The following DNM3 variants were observed in gnomAD, a reference collection of about 807,000 sequenced individuals.
DNM3 encodes dynamin-3.
In DNM3, 47 loss-of-function variants were observed where a neutral mutation model predicts 101.6. The ratio of observed to expected loss-of-function variants is 0.46; its 90% CI spans 0.37 to 0.59. DNM3 has a LOEUF of 0.59. DNM3 is among the 20% of genes least tolerant of loss of function. The pLI, the probability that DNM3 is intolerant of heterozygous loss-of-function variation, is 0.00. For synonymous variants in DNM3, 385 were observed against 387.9 expected (o/e 0.99, Z 0.09); for missense variants, 849 against 1,085.7 (o/e 0.78, Z 3.06).
At chr1:172,261,374 T>C (rs73030912) in intron 15 of DNM3, among the ~76,000 whole-genome samples, 9,178 of 152,232 alleles carry the variant, frequency 0.06, 874 homozygotes, top group African/African-American at 0.2. Flanking sequence ...GTATGACTTC[T>C]TCATTTGTAG....
chr1:171,939,529 T>C (rs956960385), intron 2 of DNM3, among the ~76,000 whole-genome samples: 2 of 152,200 alleles, frequency 1.3e-5, no homozygotes, highest in South Asian at 2.1e-4. Flanking sequence ...TACTCCAGAA[T>C]TAATGTCTGC....
chr1:172,410,891 G>C lies in DNM3; in HGVS notation c.*3050G>C. 1 of 985,210 alleles carries C rather than the reference G, an allele frequency of 1.0e-6. No individual in the cohort carries two copies. The highest frequency in any genetic ancestry group is 1.7e-5 in the African/African-American group (1 of 57,306). The allele number at this position is 985,210 out of a possible 1,614,324, so 61.0% of individuals were successfully genotyped here. ...AAATATGAAATGGGACCTAATACCA[G>C]TATGTGATAAATGTTGATGTTTTCT... On this transcript the variant is annotated 3_prime_UTR_variant, in exon 21 of 21. Transcript: ENST00000627582.
In DNM3 at chr1:172,022,465, T is replaced by C. The variant is rs149187321; in HGVS notation, c.590-9937T>C. On this transcript the variant is annotated intron_variant, in intron 4 of 20. Coordinates refer to ENST00000627582, the MANE Select transcript of DNM3 (RefSeq NM_015569.5). ...TAAGAAAATGGTCCCCTTTGCCATT[T>C]TGGTATATCACTAAGTATAGATCTA... Among the ~76,000 whole-genome samples, 489 of 152,298 alleles carry C rather than the reference T, an allele frequency of 3.2e-3. 10 individuals carry two copies. The highest frequency in any genetic ancestry group is 0.028 in the Admixed American group (432 of 15,296).
At chr1:172,267,617 C>T (rs764871939) in intron 15 of DNM3, among the ~76,000 whole-genome samples, 31 of 151,474 alleles carry the variant, frequency 2.0e-4, no homozygotes, top group Non-Finnish European at 4.0e-4. Context: ...ATAATCTTAA[C>T]GTTTATTATT....
At chr1:172,043,235 C>A (rs1379838897) in intron 8 of DNM3, among the ~76,000 whole-genome samples, 1 of 152,046 alleles carries the variant, frequency 6.6e-6, no homozygotes, top group Non-Finnish European at 1.5e-5. Context: ...AGATGACTTC[C>A]AAGGTTTTGG....
At chr1:172,136,529 A>G (rs1022075735) in intron 14 of DNM3, 1 of 152,110 alleles carries the variant, frequency 6.6e-6, no homozygotes, top group African/African-American at 2.4e-5. Flanking sequence ...TAAATATTGA[A>G]CTCTAATCCA....
chr1:172,296,018 G>A (rs2064146213), intron 15 of DNM3, among the ~76,000 whole-genome samples: 1 of 129,608 alleles, frequency 7.7e-6, no homozygotes, highest in South Asian at 2.5e-4. Flanking sequence ...AATACTCAAA[G>A]TCCTTAGCAA....
intron 14 of DNM3, among the ~76,000 whole-genome samples, chr1:172,250,999 A>G (rs60732555): frequency 6.6e-6 from 1 of 152,104 alleles, no homozygotes; most frequent in Non-Finnish European, 1.5e-5. Flanking sequence ...ACATATAATC[A>G]ATTAAAAAGT....
chr1:172,338,136 C>T (rs1048234952), intron 17 of DNM3, among the ~76,000 whole-genome samples: 2 of 151,730 alleles, frequency 1.3e-5, no homozygotes, highest in South Asian at 2.1e-4. Flanking sequence ...AGGCTGGTCT[C>T]GAACTCCTGA....
At chr1:172,338,780 A>G in intron 17 of DNM3, 1 of 479,728 alleles carries the variant, frequency 2.1e-6, no homozygotes. Context: ...TCTGCTAAGT[A>G]GCTCTGAAAA....
intron 15 of DNM3, among the ~76,000 whole-genome samples, chr1:172,289,003 A>G (rs949066777): frequency 1.3e-5 from 2 of 152,084 alleles, no homozygotes; most frequent in Non-Finnish European, 2.9e-5. Context: ...TATTTTTAGG[A>G]GTTTCACATT....
At chr1:172,415,213 T>C (rs1222141822), downstream of DNM3, 1 of 152,182 alleles carries the variant, frequency 6.6e-6, no homozygotes, top group Non-Finnish European at 1.5e-5. Context: ...TTGGAACAGG[T>C]AGCACAAAAG....
intron 1 of DNM3, among the ~76,000 whole-genome samples, chr1:171,905,593 G>A (rs1002733487): frequency 2.0e-5 from 3 of 152,118 alleles, no homozygotes; most frequent in African/African-American, 7.2e-5. Context: ...TATATGTGGT[G>A]GGGAGGAAAA....
At chr1:171,890,840 T>G (rs1466519989) in intron 1 of DNM3, among the ~76,000 whole-genome samples, 1 of 151,990 alleles carries the variant, frequency 6.6e-6, no homozygotes, top group Non-Finnish European at 1.5e-5. Context: ...ACAAAAACAG[T>G]TATGCATCCT....
intron 14 of DNM3, among the ~76,000 whole-genome samples, chr1:172,221,252 G>T (rs948137146): frequency 3.3e-5 from 5 of 152,046 alleles, no homozygotes; most frequent in Non-Finnish European, 7.4e-5. Context: ...ATATATAAAA[G>T]ATCTTCTCAA....
intron 13 of DNM3, among the ~76,000 whole-genome samples, chr1:172,097,782 T>C (rs1200668600): frequency 1.3e-5 from 2 of 152,140 alleles, no homozygotes; most frequent in Non-Finnish European, 2.9e-5. Context: ...TTTCCCTAAA[T>C]GTTGGCTGGT....
At chr1:172,396,161 T>G (rs958074057) in intron 20 of DNM3, among the ~76,000 whole-genome samples, 2 of 152,214 alleles carry the variant, frequency 1.3e-5, no homozygotes, top group Non-Finnish European at 2.9e-5. Flanking sequence ...CCATAAGCAC[T>G]AGGAAATGCC....
At chr1:171,924,838 G>A (rs1241809413) in intron 2 of DNM3, among the ~76,000 whole-genome samples, 1 of 151,980 alleles carries the variant, frequency 6.6e-6, no homozygotes, top group Non-Finnish European at 1.5e-5. Context: ...GTTTTCTTAT[G>A]TTTGTTGGCT....
intron 17 of DNM3, among the ~76,000 whole-genome samples, chr1:172,359,153 C>G (rs2067606622): frequency 8.0e-6 from 1 of 124,496 alleles, no homozygotes; most frequent in African/African-American, 3.4e-5. Context: ...CACACACACA[C>G]ACACACACAT....
Sources: allele counts gnomAD v4.1 joint callset (sites outside exome capture counted in the v4.1 genomes callset), GRCh38; gene constraint gnomAD v4.1.1; transcripts MANE v1.5; gene names NCBI Gene and HGNC (gene_info 2026-07-23, HGNC 2026-07-21).